Variants in ATE1 observed in about 807,000 individuals in gnomAD.
ATE1 encodes arginyl-tRNA--protein transferase 1.
Under a neutral mutation model 70.5 loss-of-function variants are expected in ATE1, and 36 were observed. The observed-to-expected ratio is 0.51, with a 90% CI of 0.39 to 0.67. The LOEUF (loss-of-function observed/expected upper bound fraction) is 0.67. Ranked by LOEUF, ATE1 falls within the 30% of genes least tolerant of loss-of-function variation. The probability of loss-of-function intolerance (pLI) is 0.00; values close to 1 mark genes in which losing one functional copy is unlikely to be tolerated. For synonymous variants in ATE1, 232 were observed against 219.3 expected (o/e 1.06, Z -0.51); for missense variants, 593 against 629.5 (o/e 0.94, Z 0.62).
intron 11 of ATE1, among the ~76,000 whole-genome samples, chr10:121,782,158 G>A (rs1420887887): frequency 6.6e-6 from 1 of 152,184 alleles, no homozygotes; most frequent in Non-Finnish European, 1.5e-5. Flanking sequence ...GGACTATTAT[G>A]TCTGTCTGCG....
At chr10:121,890,035 AGTT>A (rs1211693866) in intron 7 of ATE1, among the ~76,000 whole-genome samples, 2 of 152,248 alleles carry the variant, frequency 1.3e-5, no homozygotes, top group Non-Finnish European at 2.9e-5. Context: ...AACCTAACAA[AGTT>A]GTTAACAACT....
chr10:121,928,405 G>T, upstream of ATE1: 1 of 1,528,714 alleles, frequency 6.5e-7, no homozygotes, highest in Non-Finnish European at 8.8e-7. Context: ...CGGCCCTGAG[G>T]CCCTTGTATT....
At chr10:121,915,911 C>CAAAAA in intron 3 of ATE1, among the ~76,000 whole-genome samples, 1 of 133,154 alleles carries the variant, frequency 7.5e-6, no homozygotes, top group East Asian at 2.3e-4. Flanking sequence ...CAAAACAAAA[C>CAAAAA]AAAACAAAAA....
intron 10 of ATE1, among the ~76,000 whole-genome samples, chr10:121,803,338 A>G (rs1045885078): frequency 6.6e-6 from 1 of 152,248 alleles, no homozygotes; most frequent in Non-Finnish European, 1.5e-5. Context: ...CCCTAGTTGC[A>G]TTTAAATATG....
At chr10:121,783,805 A>G (rs1407573134) in intron 11 of ATE1, among the ~76,000 whole-genome samples, 1 of 152,250 alleles carries the variant, frequency 6.6e-6, no homozygotes, top group African/African-American at 2.4e-5. Context: ...TGAGCTTACT[A>G]AAATGATTTC....
In ATE1 at chr10:121,851,090, CAAAAAAAAAAAAAA is replaced by C. The variant is rs10603053; in HGVS notation, c.976-9841_976-9828del. Among the ~76,000 whole-genome samples the C allele has an allele frequency of 7.6e-3, 327 of 43,224 alleles. 2 individuals are homozygous for C. Among genetic ancestry groups the C allele is most frequent in the African/African-American group, 0.024 (247 of 10,124 alleles). The allele number at this position is 43,224 out of a possible 152,430, so 28.4% of individuals were successfully genotyped here. ...TGGGCCACAAAGCGAGACTCCATCT[CAAAAAAAAAAAAAA>C]AAAAAAAAAAAAAAAAAAAGAATTT... On this transcript the variant is annotated intron_variant, in intron 8 of 11. Transcript: ENST00000224652.
intron 7 of ATE1, among the ~76,000 whole-genome samples, chr10:121,876,443 G>A (rs923977469): frequency 6.6e-6 from 1 of 151,464 alleles, no homozygotes; most frequent in African/African-American, 2.4e-5. Context: ...TACCTCCTAC[G>A]TTCACTATAA....
chr10:121,924,196 T>C, intron 2 of ATE1, 70 bp downstream of exon 2: 3 of 1,440,618 alleles, frequency 2.1e-6, no homozygotes, highest in Non-Finnish European at 2.9e-6. Context: ...GGAAAGCATT[T>C]CAAAGGCATG....
intron 9 of ATE1, among the ~76,000 whole-genome samples, chr10:121,838,200 A>G (rs761665455): frequency 1.3e-5 from 2 of 152,066 alleles, no homozygotes; most frequent in African/African-American, 2.4e-5. Context: ...ATCTTTTACA[A>G]TATTAATCAG....
intron 11 of ATE1, among the ~76,000 whole-genome samples, chr10:121,745,206 A>G (rs1334074411): frequency 6.6e-6 from 1 of 152,234 alleles, no homozygotes; most frequent in Middle Eastern, 3.2e-3. Flanking sequence ...GAATAATGTT[A>G]CAGTATCTAC....
intron 10 of ATE1, among the ~76,000 whole-genome samples, chr10:121,824,270 T>A (rs764097746): frequency 6.6e-6 from 1 of 152,182 alleles, no homozygotes. Context: ...ACTGATGAGA[T>A]CATTTGTATT....
rs759941433 is a variant in ATE1, at chr10:121,790,247, C to A, written c.1300G>T (p.Val434Phe). The A allele has an allele frequency of 6.2e-7, 1 of 1,614,008 alleles. No individual in the cohort carries two copies. Among genetic ancestry groups the A allele is most frequent in the Non-Finnish European group, 8.5e-7 (1 of 1,179,968 alleles). Residue 434 changes from valine to phenylalanine, a missense_variant, in exon 11 of 12, where the codon GTT becomes TTT. Val to Phe is a conservative substitution (Grantham distance 50, BLOSUM62 -1). Transcript: ENST00000224652. ...AGGCATTGCTCAATGGGTACCCAAA[C>A]ATATGTCTCAGGGCACAGCAAATCA... Reference protein sequence around the residue: ...PSDLLCPETYVWVPIEQCLPS... With the variant: ...PSDLLCPETYFWVPIEQCLPS...
At chr10:121,885,899 C>CTAAA (rs1317827972) in intron 7 of ATE1, among the ~76,000 whole-genome samples, 1 of 151,826 alleles carries the variant, frequency 6.6e-6, no homozygotes, top group African/African-American at 2.4e-5. Flanking sequence ...AAGACTGTCT[C>CTAAA]TAAATAAATA....
chr10:121,787,355 C>A (rs1946256142), intron 11 of ATE1, among the ~76,000 whole-genome samples: 1 of 152,202 alleles, frequency 6.6e-6, no homozygotes, highest in South Asian at 2.1e-4. Context: ...GAGAAGAGAA[C>A]CGTTTCTCAC....
chr10:121,798,306 A>G (rs1590329719), intron 10 of ATE1, among the ~76,000 whole-genome samples: 1 of 152,248 alleles, frequency 6.6e-6, no homozygotes, highest in East Asian at 1.9e-4. Context: ...TTCATACTCA[A>G]GAAGGTTAGA....
intron 9 of ATE1, among the ~76,000 whole-genome samples, 193 bp downstream of exon 9, chr10:121,840,889 G>C (rs1948603615): frequency 2.0e-5 from 3 of 150,510 alleles, no homozygotes; most frequent in Admixed American, 6.6e-5. Flanking sequence ...TATTATATAG[G>C]AGTATTTAAC....
intron 3 of ATE1, among the ~76,000 whole-genome samples, chr10:121,919,359 G>C (rs1477722343): frequency 1.3e-5 from 2 of 152,090 alleles, no homozygotes; most frequent in East Asian, 3.9e-4. Context: ...AGGAGTTCGA[G>C]ACCAGCTTGG....
At chr10:121,885,968 GTTAA>G (rs1365799059) in intron 7 of ATE1, among the ~76,000 whole-genome samples, 2 of 152,054 alleles carry the variant, frequency 1.3e-5, no homozygotes, top group African/African-American at 4.8e-5. Context: ...CTATCATTCT[GTTAA>G]TTATATGCCA....
At chr10:121,927,447 T>A in intron 1 of ATE1, 1 of 984,550 alleles carries the variant, frequency 1.0e-6, no homozygotes, top group South Asian at 4.7e-5. Context: ...CACCCACAGC[T>A]CCCTCTGCAC....
Sources: allele counts gnomAD v4.1 joint callset (sites outside exome capture counted in the v4.1 genomes callset), GRCh38; gene constraint gnomAD v4.1.1; transcripts MANE v1.5; gene names NCBI Gene and HGNC (gene_info 2026-07-23, HGNC 2026-07-21).